Variants in ANKRD42 observed in about 807,000 individuals in gnomAD.
The protein encoded by ANKRD42 is ankyrin repeat domain-containing protein 42.
In ANKRD42, 43 loss-of-function variants were observed where a neutral mutation model predicts 51.5. The observed-to-expected ratio is 0.83, with a 90% CI of 0.65 to 1.08. ANKRD42 has a LOEUF of 1.08. Ranked by LOEUF, ANKRD42 falls within the 50% of genes least tolerant of loss-of-function variation. ANKRD42 has a pLI of 0.00. For missense variants in ANKRD42, 608 were observed against 629.3 expected (o/e 0.97, Z 0.36); for synonymous variants, 203 against 213.0 (o/e 0.95, Z 0.41).
chr11:83,213,131 A>C lies in ANKRD42; in HGVS notation c.586+1701A>C, dbSNP rs528614850. On this transcript the variant is annotated intron_variant, in intron 5 of 10. Coordinates refer to ENST00000533342, the MANE Select transcript of ANKRD42 (RefSeq NM_001300975.2). Reference sequence around the variant, plus strand: ...CTGGCAGAAACCCAGAGGTATTGACAACAGGGTTCGTAGAAGGTTCAAGGA... The same window carrying C: ...CTGGCAGAAACCCAGAGGTATTGACCACAGGGTTCGTAGAAGGTTCAAGGA... 150 of 1,602,070 alleles carry C rather than the reference A, an allele frequency of 9.4e-5. 1 individual carries two copies. In the East Asian group the frequency reaches 3.2e-3, roughly 34 times the overall value.
At chr11:83,197,690 G>A (rs114710723) in intron 1 of ANKRD42, among the ~76,000 whole-genome samples, 2,320 of 152,242 alleles carry the variant, frequency 0.015, 72 homozygotes, top group African/African-American at 0.053. Flanking sequence ...TTATCTGTTC[G>A]TGCTTAGATA....
rs939241560 is a variant in ANKRD42 at position 83,213,235 on chromosome 11, C to G, written c.586+1805C>G. 9 of 1,598,884 alleles carry G rather than the reference C, an allele frequency of 5.6e-6. No homozygotes were observed. The African/African-American group carries it at 9.4e-5, about 17-fold the overall frequency. On this transcript the variant is annotated intron_variant, in intron 5 of 10. Transcript: ENST00000533342. The stretch of plus-strand genomic sequence containing the variant: ...TGCTGCCTACTGACTTCTGGAAGTT[C>G]CTGGTCCACAACATCAAGGAGCTGG...
chr11:83,216,375 G>C (rs1318653515), intron 5 of ANKRD42, among the ~76,000 whole-genome samples: 2 of 151,104 alleles, frequency 1.3e-5, no homozygotes. Flanking sequence ...CCAGGCTGGA[G>C]TGCAGTGGCG....
intron 7 of ANKRD42, among the ~76,000 whole-genome samples, chr11:83,235,265 G>A (rs891074202): frequency 6.6e-6 from 1 of 152,188 alleles, no homozygotes; most frequent in Non-Finnish European, 1.5e-5. Flanking sequence ...GATGGAAGAA[G>A]TTGCTAAGGA....
At chr11:83,247,304 A>G (rs2135559164) in intron 10 of ANKRD42, among the ~76,000 whole-genome samples, 1 of 152,132 alleles carries the variant, frequency 6.6e-6, no homozygotes. Flanking sequence ...CCTGGCCTCA[A>G]GTGATCCACC....
chr11:83,216,805 C>T (rs559024497), intron 5 of ANKRD42, among the ~76,000 whole-genome samples: 63 of 152,322 alleles, frequency 4.1e-4, no homozygotes, highest in African/African-American at 1.3e-3. Flanking sequence ...GAGTGAGTTT[C>T]ACAGCTTTCT....
chr11:83,213,113 A>G (rs746237411), intron 5 of ANKRD42: 102 of 1,601,796 alleles, frequency 6.4e-5, no homozygotes, highest in Middle Eastern at 1.7e-4. Flanking sequence ...TAACTGGCAG[A>G]AACCCAGAGG....
chr11:83,244,653 C>T (rs1275160790), intron 9 of ANKRD42, among the ~76,000 whole-genome samples: 4 of 152,082 alleles, frequency 2.6e-5, no homozygotes, highest in Non-Finnish European at 5.9e-5. Flanking sequence ...TCAGAGGTTG[C>T]CAAATGACCC....
At chr11:83,261,915 T>C (rs926889198), downstream of ANKRD42, 1 of 1,603,728 alleles carries the variant, frequency 6.2e-7, no homozygotes, top group Non-Finnish European at 8.5e-7. Context: ...TTAATACTAC[T>C]TCCAGAATCT....
In ANKRD42 at chr11:83,240,807, T is replaced by C. The variant is rs548884593; in HGVS notation, c.1068T>C (p.Tyr356=). 6.2e-6 allele frequency: 10 copies of C among 1,614,090 alleles called. No individual in the cohort carries two copies. The African/African-American group carries it at 6.7e-5, about 11-fold the overall frequency. ...AGCTGTTAGAGGAGCTACAGAAATA[T>C]GATATAGATGACGAAAATGAAATTG... ...AVKLLEELQK[Y]DIDDENEIDE... The change falls in exon 9 of 11, where the codon TAT becomes TAC. Residue 356 remains tyrosine, a synonymous_variant. Coordinates refer to ENST00000533342, the MANE Select transcript of ANKRD42 (RefSeq NM_001300975.2).
intron 5 of ANKRD42, among the ~76,000 whole-genome samples, chr11:83,218,444 T>C (rs1862608310): frequency 6.6e-6 from 1 of 152,170 alleles, no homozygotes. Context: ...GGACTTAAGG[T>C]CTGATCAAGG....
intron 3 of ANKRD42, 126 bp from the exon 4 acceptor site, chr11:83,210,174 A>G: frequency 1.1e-6 from 1 of 878,028 alleles, no homozygotes; most frequent in Non-Finnish European, 1.7e-6. Context: ...TGTAGCACAT[A>G]TGTAAGAACA....
At chr11:83,219,601 C>G (rs1311884873) in intron 5 of ANKRD42, among the ~76,000 whole-genome samples, 6 of 152,192 alleles carry the variant, frequency 3.9e-5, no homozygotes, top group African/African-American at 9.7e-5. Context: ...AAGGCGGTAC[C>G]AGTATCCTGT....
Position 83,193,939 on chromosome 11 carries a change from G to A in ANKRD42, c.-732G>A, listed in dbSNP as rs1170433985. ...GTCTAGGGAAAGAGTTAGCGACGAC[G>A]GGGAAAGAAAATGTGAAGAGAGCGA... On this transcript the variant is annotated 5_prime_UTR_variant, in exon 1 of 11. Coordinates refer to ENST00000533342, the MANE Select transcript of ANKRD42 (RefSeq NM_001300975.2). 1 of 455,892 alleles carries A rather than the reference G, an allele frequency of 2.2e-6. No homozygotes were observed. The highest frequency in any genetic ancestry group is 4.4e-6 in the Non-Finnish European group (1 of 226,454). The allele number at this position is 455,892 out of a possible 1,614,324, so 28.2% of individuals were successfully genotyped here.
At position 83,224,842 on chromosome 11, in the gene ANKRD42, T is replaced by C. The variant is rs757066782; in HGVS notation, c.587-13T>C. 3 of 1,542,190 alleles carry C rather than the reference T, an allele frequency of 1.9e-6. No homozygotes were observed. Among genetic ancestry groups the C allele is most frequent in the Non-Finnish European group, 2.6e-6 (3 of 1,148,874 alleles). ...AAATAAAAATTAAATTAATTTTTTT[T>C]CCTTTCCTCTAGTTCACTTAGCAGC... On this transcript the variant is annotated splice_polypyrimidine_tract_variant and intron_variant, in intron 5 of 10. Coordinates refer to ENST00000533342, the MANE Select transcript of ANKRD42 (RefSeq NM_001300975.2).
intron 1 of ANKRD42, among the ~76,000 whole-genome samples, chr11:83,195,518 C>A (rs1861611980): frequency 1.3e-5 from 2 of 152,116 alleles, no homozygotes; most frequent in African/African-American, 2.4e-5. Context: ...TAGATATCTC[C>A]CTTCTGGAAA....
intron 9 of ANKRD42, 136 bp from the exon 10 acceptor site, chr11:83,245,362 C>T: frequency 3.5e-6 from 3 of 856,526 alleles, no homozygotes; most frequent in East Asian, 2.7e-5. Flanking sequence ...TTGTATATAC[C>T]AACCTTCCTC....
At position 83,248,275 on chromosome 11, in the gene ANKRD42, C is replaced by T; in HGVS notation, c.*71C>T. The T allele has an allele frequency of 1.4e-6, 2 of 1,420,568 alleles. No individual in the cohort carries two copies. The highest frequency in any genetic ancestry group is 2.6e-5 in the East Asian group (1 of 38,838). The allele number at this position is 1,420,568 out of a possible 1,614,324, so 88.0% of individuals were successfully genotyped here. On this transcript the variant is annotated 3_prime_UTR_variant, in exon 11 of 11. Transcript: ENST00000533342. Reference sequence around the variant, plus strand: ...AGATGATAACTTATACTTTCTAGAGCTGATGACAGGATTAAAGGAATACAC... The same window carrying T: ...AGATGATAACTTATACTTTCTAGAGTTGATGACAGGATTAAAGGAATACAC...
intron 5 of ANKRD42, among the ~76,000 whole-genome samples, chr11:83,219,124 C>T (rs188736979): frequency 3.9e-5 from 6 of 152,232 alleles, no homozygotes; most frequent in East Asian, 3.9e-4. Flanking sequence ...GATGTCTGCA[C>T]CTCTGGTTAG....
Sources: allele counts gnomAD v4.1 joint callset (sites outside exome capture counted in the v4.1 genomes callset), GRCh38; gene constraint gnomAD v4.1.1; transcripts MANE v1.5; gene names NCBI Gene and HGNC (gene_info 2026-07-23, HGNC 2026-07-21).